Variants in MYO1D observed in about 807,000 individuals in gnomAD.
MYO1D encodes the protein unconventional myosin-Id.
MYO1D carries 83 observed loss-of-function variants against 122.0 expected under a neutral mutation model. That is an observed-to-expected ratio of 0.68 (90% confidence interval 0.57 to 0.82). MYO1D has a LOEUF of 0.82. MYO1D is among the 40% of genes least tolerant of loss of function. The pLI, the probability that MYO1D is intolerant of heterozygous loss-of-function variation, is 0.00. For missense variants in MYO1D, 1,157 were observed against 1,269.5 expected, an observed-to-expected ratio of 0.91 and a Z score of 1.35; for synonymous variants, 464 against 446.9, an observed-to-expected ratio of 1.04 and a Z score of -0.48.
At chr17:32,730,122 T>C (rs997574549) in intron 14 of MYO1D, among the ~76,000 whole-genome samples, 1 of 146,520 alleles carries the variant, frequency 6.8e-6, no homozygotes, top group East Asian at 2.0e-4. Flanking sequence ...GTTTTTATTG[T>C]TTTTTTTTTT....
intron 20 of MYO1D, among the ~76,000 whole-genome samples, chr17:32,620,591 G>A (rs1395959328): frequency 1.3e-5 from 2 of 152,096 alleles, no homozygotes; most frequent in African/African-American, 2.4e-5. Flanking sequence ...TCCCTAGCTG[G>A]TCCACTTTCC....
chr17:32,802,834 T>A (rs2090471798), intron 1 of MYO1D, among the ~76,000 whole-genome samples: 1 of 152,228 alleles, frequency 6.6e-6, no homozygotes, highest in African/African-American at 2.4e-5. Context: ...CACAGAATGA[T>A]ACATGATTTT....
intron 20 of MYO1D, among the ~76,000 whole-genome samples, chr17:32,609,418 TC>T (rs1223050997): frequency 5.3e-5 from 8 of 152,180 alleles, no homozygotes; most frequent in Admixed American, 1.3e-4. Context: ...TGATCCCTGT[TC>T]TTGGGGGATT....
chr17:32,855,605 G>A (rs2091021747), intron 1 of MYO1D, among the ~76,000 whole-genome samples: 1 of 151,946 alleles, frequency 6.6e-6, no homozygotes, highest in African/African-American at 2.4e-5. Context: ...CTTAGGTTTC[G>A]ACTCCTACTC....
chr17:32,831,981 C>T (rs1479882103), intron 1 of MYO1D, among the ~76,000 whole-genome samples: 1 of 152,182 alleles, frequency 6.6e-6, no homozygotes, highest in Non-Finnish European at 1.5e-5. Flanking sequence ...CCTGGGTCCT[C>T]ATCTCAGCTC....
intron 10 of MYO1D, among the ~76,000 whole-genome samples, chr17:32,758,782 G>T (rs563727403): frequency 6.6e-6 from 1 of 152,120 alleles, no homozygotes; most frequent in Non-Finnish European, 1.5e-5. Context: ...TTCTAATTGT[G>T]GGGGGATCTG....
intron 20 of MYO1D, among the ~76,000 whole-genome samples, chr17:32,632,095 T>A (rs575531469): frequency 6.6e-6 from 1 of 152,270 alleles, no homozygotes; most frequent in East Asian, 1.9e-4. Flanking sequence ...CAATTATAGC[T>A]CCTTATAAGT....
chr17:32,851,870 C>T (rs1414661603), intron 1 of MYO1D, among the ~76,000 whole-genome samples: 1 of 152,224 alleles, frequency 6.6e-6, no homozygotes. Context: ...TGCTCACCTC[C>T]TGATGTGCAG....
chr17:32,505,158 T>C (rs1597861679), intron 21 of MYO1D: 1 of 152,444 alleles, frequency 6.6e-6, no homozygotes, highest in Non-Finnish European at 1.5e-5. Flanking sequence ...GCGGCTCCCC[T>C]GCCAATAGCT....
chr17:32,636,716 C>T (rs762290476), intron 20 of MYO1D, among the ~76,000 whole-genome samples: 1 of 152,234 alleles, frequency 6.6e-6, no homozygotes, highest in Non-Finnish European at 1.5e-5. Flanking sequence ...TGTGAGACAG[C>T]CTGGAACTGT....
At chr17:32,573,670 C>A (rs1246012358) in intron 21 of MYO1D, among the ~76,000 whole-genome samples, 1 of 152,090 alleles carries the variant, frequency 6.6e-6, no homozygotes, top group African/African-American at 2.4e-5. Context: ...CAGGCATGTG[C>A]CACCACTTTC....
At chr17:32,578,166 C>T (rs2087296606) in intron 21 of MYO1D, among the ~76,000 whole-genome samples, 2 of 152,220 alleles carry the variant, frequency 1.3e-5, no homozygotes, top group South Asian at 2.1e-4. Context: ...ACCTCATATA[C>T]ATAAAATAAG....
chr17:32,721,251 T>C, intron 14 of MYO1D, 62 bp from the exon 15 acceptor site: 1 of 1,459,952 alleles, frequency 6.8e-7, no homozygotes, highest in Non-Finnish European at 9.5e-7. Flanking sequence ...CTAGGGACAC[T>C]AACATGTAAT....
chr17:32,787,859 T>C (rs1205249435), intron 1 of MYO1D, among the ~76,000 whole-genome samples: 1 of 152,252 alleles, frequency 6.6e-6, no homozygotes, highest in Non-Finnish European at 1.5e-5. Flanking sequence ...TGGCTTTCCA[T>C]TCCTGAGTTA....
At chr17:32,612,759 A>G (rs1222047228) in intron 20 of MYO1D, among the ~76,000 whole-genome samples, 2 of 150,748 alleles carry the variant, frequency 1.3e-5, no homozygotes, top group African/African-American at 4.9e-5. Flanking sequence ...TTGTAATTTC[A>G]TATTAATGAA....
intron 21 of MYO1D, among the ~76,000 whole-genome samples, chr17:32,597,242 CAGA>C (rs1237064145): frequency 1.3e-5 from 2 of 152,140 alleles, no homozygotes; most frequent in Non-Finnish European, 2.9e-5. Flanking sequence ...ATATTGGTCG[CAGA>C]AGGTTTAACC....
At chr17:32,586,092 C>T (rs1270170820) in intron 21 of MYO1D, among the ~76,000 whole-genome samples, 3 of 152,140 alleles carry the variant, frequency 2.0e-5, no homozygotes. Flanking sequence ...AACCTTTCCC[C>T]ATTGAACAGA....
intron 16 of MYO1D, among the ~76,000 whole-genome samples, chr17:32,669,826 G>T (rs918388138): frequency 1.3e-5 from 2 of 151,812 alleles, no homozygotes; most frequent in Non-Finnish European, 2.9e-5. Context: ...CAGAAATGGG[G>T]TATTTTATAC....
chr17:32,855,434 T>G (rs994655364), intron 1 of MYO1D, among the ~76,000 whole-genome samples: 1 of 152,230 alleles, frequency 6.6e-6, no homozygotes, highest in African/African-American at 2.4e-5. Flanking sequence ...GAGTACGTAT[T>G]GTTTTCTGTC....
Sources: gnomAD v4.1 joint callset for allele counts (sites outside exome capture counted in the v4.1 genomes callset) on GRCh38, gnomAD v4.1.1 for gene constraint, MANE v1.5 for transcripts, NCBI Gene and HGNC (gene_info 2026-07-23, HGNC 2026-07-21) for gene names.